Variants in MTCH2 observed in about 807,000 individuals in gnomAD.
The protein encoded by MTCH2 is mitochondrial carrier homolog 2.
In MTCH2, 25 loss-of-function variants were observed where a neutral mutation model predicts 50.6. The ratio of observed to expected loss-of-function variants is 0.49; its 90% CI spans 0.36 to 0.69. The LOEUF is 0.69. Among genes scored for constraint, MTCH2 ranks in the 30% least tolerant of loss-of-function variants. The probability of loss-of-function intolerance (pLI) is 0.00; values close to 1 mark genes in which losing one functional copy is unlikely to be tolerated. For missense variants in MTCH2, 273 were observed against 384.4 expected (o/e 0.71, Z 2.42); for synonymous variants, 106 against 132.0 (o/e 0.80, Z 1.35).
chr11:47,609,124 C>CAAAAAAAAA, the MTCH2 span, among the ~76,000 whole-genome samples: 11 of 89,894 alleles, frequency 1.2e-4, no homozygotes, highest in South Asian at 4.6e-4. Context: ...AACTCTGTCT[C>CAAAAAAAAA]AAAAAAAAAA....
At chr11:47,618,982 A>C in intron 12 of MTCH2, 63 bp from the exon 13 acceptor site, 1 of 1,454,186 alleles carries the variant, frequency 6.9e-7, no homozygotes, top group South Asian at 1.1e-5. Flanking sequence ...GCCAATCCAA[A>C]TCAGCAGAGA....
At chr11:47,609,313 G>A in the MTCH2 span, among the ~76,000 whole-genome samples, 1 of 151,070 alleles carries the variant, frequency 6.6e-6, no homozygotes, top group Non-Finnish European at 1.5e-5. Flanking sequence ...AAAATTAGCC[G>A]GATGTGGTGG....
chr11:47,607,136 C>CT, the MTCH2 span, among the ~76,000 whole-genome samples: 3,144 of 152,250 alleles, frequency 0.021, 127 homozygotes, highest in African/African-American at 0.072. Context: ...TCACTTAAAT[C>CT]TTTATCTCTG....
chr11:47,608,944 C>G, the MTCH2 span, among the ~76,000 whole-genome samples: 1 of 106,184 alleles, frequency 9.4e-6, no homozygotes, highest in Non-Finnish European at 1.8e-5. Flanking sequence ...GGCGACAGAG[C>G]AAGACTCTGT....
At chr11:47,621,459 G>A (rs556293008) in intron 12 of MTCH2, among the ~76,000 whole-genome samples, 82 of 148,086 alleles carry the variant, frequency 5.5e-4, no homozygotes, top group African/African-American at 2.0e-3. Context: ...TTGAGATGGA[G>A]TCTTGCTCTG....
chr11:47,623,766 G>T (rs1052967103), intron 11 of MTCH2, among the ~76,000 whole-genome samples: 2 of 152,132 alleles, frequency 1.3e-5, no homozygotes, highest in Non-Finnish European at 2.9e-5. Context: ...AACAAAAAAG[G>T]CAAGGCTGGG....
At chr11:47,635,755 T>C (rs2097307982) in intron 3 of MTCH2, among the ~76,000 whole-genome samples, 184 bp from the exon 4 acceptor site, 1 of 151,972 alleles carries the variant, frequency 6.6e-6, no homozygotes, top group South Asian at 2.1e-4. Flanking sequence ...AATATGGATC[T>C]CCAAGATAAA....
intron 11 of MTCH2, among the ~76,000 whole-genome samples, chr11:47,623,490 T>C (rs1315421282): frequency 6.6e-6 from 1 of 152,056 alleles, no homozygotes; most frequent in Non-Finnish European, 1.5e-5. Context: ...TGTTCCTACT[T>C]AGGTATAATC....
At chr11:47,640,513 T>A (rs2097313103) in intron 1 of MTCH2, among the ~76,000 whole-genome samples, 1 of 152,044 alleles carries the variant, frequency 6.6e-6, no homozygotes, top group African/African-American at 2.4e-5. Flanking sequence ...TCTCCCAGGT[T>A]TAAGCCATTC....
downstream of MTCH2, among the ~76,000 whole-genome samples, chr11:47,614,469 CTT>C (rs1012676544): frequency 6.6e-6 from 1 of 152,228 alleles, no homozygotes; most frequent in Non-Finnish European, 1.5e-5. Context: ...GCTAGTTTTT[CTT>C]TTTTCTTTTT....
intron 11 of MTCH2, among the ~76,000 whole-genome samples, chr11:47,625,436 ATAAT>A (rs755623610): frequency 1.5e-5 from 2 of 135,210 alleles, no homozygotes; most frequent in South Asian, 2.2e-4. Context: ...AAAAAAAAAA[ATAAT>A]AATAATAATT....
the MTCH2 span, among the ~76,000 whole-genome samples, chr11:47,608,095 G>T: frequency 6.6e-6 from 1 of 152,160 alleles, no homozygotes; most frequent in Non-Finnish European, 1.5e-5. Flanking sequence ...GCAAATCAAT[G>T]AACCCTTCTG....
intron 3 of MTCH2, among the ~76,000 whole-genome samples, chr11:47,636,790 G>A (rs576573994): frequency 6.6e-6 from 1 of 152,062 alleles, no homozygotes; most frequent in South Asian, 2.1e-4. Context: ...AGTGACTCAC[G>A]CCTGTAATCC....
At chr11:47,609,238 T>C in the MTCH2 span, among the ~76,000 whole-genome samples, 1 of 150,556 alleles carries the variant, frequency 6.6e-6, no homozygotes, top group African/African-American at 2.4e-5. Flanking sequence ...GCGGATCACC[T>C]GAGGTCAGGA....
At chr11:47,631,184 G>A (rs540168972) in intron 6 of MTCH2, 97 bp from the exon 7 acceptor site, 27 of 945,546 alleles carry the variant, frequency 2.9e-5, no homozygotes, top group Admixed American at 1.2e-4. Context: ...CGAGGTGGGC[G>A]GATCACCTGA....
At position 47,635,719 on chromosome 11, in the gene MTCH2, T is replaced by G; in HGVS notation, c.280-148A>C. 3 of 667,938 alleles carry G rather than the reference T, an allele frequency of 4.5e-6. No individual in the cohort carries two copies. In the South Asian group the frequency reaches 6.1e-5, roughly 14 times the overall value. 41.4% of individuals were successfully genotyped at this position (667,938 alleles called of 1,614,324 possible). On this transcript the variant is annotated intron_variant, in intron 3 of 12. Coordinates refer to ENST00000302503, the MANE Select transcript of MTCH2 (RefSeq NM_014342.4). ...TTTTTTTAAGCTGCAAATCTTCAGTTAACTTCTACTCATTAATCAACTGGA... is the reference window on the plus strand; with the variant it reads ...TTTTTTTAAGCTGCAAATCTTCAGTGAACTTCTACTCATTAATCAACTGGA...
intron 1 of MTCH2, among the ~76,000 whole-genome samples, chr11:47,639,946 C>T (rs7129948): frequency 6.6e-6 from 1 of 152,044 alleles, no homozygotes; most frequent in Admixed American, 6.6e-5. Flanking sequence ...GTACAATATA[C>T]CCAGGATTTT....
chr11:47,631,635 T>C lies in MTCH2; in HGVS notation c.427+19A>G, dbSNP rs373590179. 1.2e-6 allele frequency: 2 copies of C among 1,613,586 alleles called. No individual in the cohort carries two copies. The highest frequency in any genetic ancestry group is 1.3e-5 in the African/African-American group (1 of 74,850). ...GATCAGGTTATAAAAGAAAGGTCAG[T>C]TGTCAACTGCAAACATACCATGGAA... On this transcript the variant is annotated intron_variant, in intron 6 of 12. Coordinates refer to ENST00000302503, the MANE Select transcript of MTCH2 (RefSeq NM_014342.4).
At chr11:47,630,372 G>A (rs1277759965) in intron 8 of MTCH2, among the ~76,000 whole-genome samples, 183 bp downstream of exon 8, 1 of 152,022 alleles carries the variant, frequency 6.6e-6, no homozygotes, top group African/African-American at 2.4e-5. Context: ...AGTCATATGG[G>A]GCCTAAATAT....
Sources: gnomAD v4.1 joint callset for allele counts (sites outside exome capture counted in the v4.1 genomes callset) on GRCh38, gnomAD v4.1.1 for gene constraint, MANE v1.5 for transcripts, NCBI Gene and HGNC (gene_info 2026-07-23, HGNC 2026-07-21) for gene names.